Variants in PBX3 observed in about 807,000 individuals in gnomAD.
PBX3 encodes PBX homeobox 3, also known as pre-B-cell leukemia transcription factor 3.
PBX3 carries 14 observed loss-of-function variants against 48.5 expected under a neutral mutation model. That is an observed-to-expected ratio of 0.29 (90% CI 0.19 to 0.45). PBX3 has a LOEUF of 0.45. PBX3 is among the 20% of genes least tolerant of loss of function. The pLI is 1.00. For missense variants in PBX3, 386 were observed against 546.7 expected, an observed-to-expected ratio of 0.71 and a Z score of 2.93; for synonymous variants, 210 against 200.3, an observed-to-expected ratio of 1.05 and a Z score of -0.41.
intron 2 of PBX3, among the ~76,000 whole-genome samples, chr9:125,767,594 G>A (rs1159503034): frequency 1.3e-5 from 2 of 152,146 alleles, no homozygotes; most frequent in East Asian, 1.9e-4. Context: ...TTCTAGAAAA[G>A]TGCACATACT....
chr9:125,813,429 A>G (rs989012679), intron 2 of PBX3, among the ~76,000 whole-genome samples: 45 of 152,376 alleles, frequency 3.0e-4, no homozygotes, highest in Middle Eastern at 3.4e-3. Context: ...ATGGTTGACC[A>G]AAACATCATT....
intron 2 of PBX3, among the ~76,000 whole-genome samples, chr9:125,853,916 G>A (rs563855647): frequency 2.0e-5 from 3 of 152,154 alleles, no homozygotes; most frequent in Non-Finnish European, 4.4e-5. Context: ...CCCAATATGA[G>A]TTAATAAATG....
intron 2 of PBX3, among the ~76,000 whole-genome samples, chr9:125,830,897 A>C (rs904180583): frequency 6.6e-6 from 1 of 152,020 alleles, no homozygotes; most frequent in African/African-American, 2.4e-5. Flanking sequence ...TTTATTATAA[A>C]ATTTCCCCCA....
At chr9:125,952,847 G>A (rs1459539598) in intron 5 of PBX3, among the ~76,000 whole-genome samples, 1 of 152,072 alleles carries the variant, frequency 6.6e-6, no homozygotes, top group Non-Finnish European at 1.5e-5. Context: ...CAATTTGGAT[G>A]ATACCTGAAA....
chr9:125,856,288 G>A (rs1839721657), intron 2 of PBX3, among the ~76,000 whole-genome samples: 2 of 152,192 alleles, frequency 1.3e-5, no homozygotes, highest in Non-Finnish European at 2.9e-5. Context: ...TAGAGCTAGT[G>A]TTCTGAACTG....
At chr9:125,917,464 A>G (rs554829185) in intron 3 of PBX3, among the ~76,000 whole-genome samples, 71 of 152,300 alleles carry the variant, frequency 4.7e-4, no homozygotes, top group African/African-American at 1.7e-3. Context: ...TTATGATGGC[A>G]TGTACCCATC....
intron 2 of PBX3, among the ~76,000 whole-genome samples, chr9:125,756,398 A>G (rs1215788350): frequency 1.3e-5 from 2 of 152,172 alleles, no homozygotes; most frequent in African/African-American, 4.8e-5. Flanking sequence ...AAAGGGAGGA[A>G]GACAGACCTT....
At chr9:125,863,348 T>G (rs977880511) in intron 2 of PBX3, among the ~76,000 whole-genome samples, 1 of 151,890 alleles carries the variant, frequency 6.6e-6, no homozygotes, top group African/African-American at 2.4e-5. Flanking sequence ...GGACTACAGG[T>G]GCTTGCCACC....
At chr9:125,860,007 C>A (rs1175690006) in intron 2 of PBX3, among the ~76,000 whole-genome samples, 1 of 152,194 alleles carries the variant, frequency 6.6e-6, no homozygotes, top group Non-Finnish European at 1.5e-5. Flanking sequence ...TCCTATGGGA[C>A]CCCAGCTGAG....
intron 5 of PBX3, among the ~76,000 whole-genome samples, chr9:125,955,683 C>T (rs1404253120): frequency 6.6e-6 from 1 of 152,146 alleles, no homozygotes; most frequent in Non-Finnish European, 1.5e-5. Flanking sequence ...TCAAGTTTGA[C>T]CTTGCCTCAG....
intron 2 of PBX3, among the ~76,000 whole-genome samples, chr9:125,783,489 C>T (rs1357146481): frequency 2.6e-5 from 4 of 151,776 alleles, no homozygotes; most frequent in African/African-American, 7.3e-5. Context: ...GGTTTCACCA[C>T]GTTGGCCAGG....
At chr9:125,909,267 G>A (rs1841148110) in intron 2 of PBX3, among the ~76,000 whole-genome samples, 1 of 152,082 alleles carries the variant, frequency 6.6e-6, no homozygotes, top group Non-Finnish European at 1.5e-5. Context: ...CCAGCCAACA[G>A]TACTTTCAGA....
intron 2 of PBX3, among the ~76,000 whole-genome samples, chr9:125,794,026 T>C (rs900482053): frequency 1.5e-4 from 23 of 152,218 alleles, no homozygotes; most frequent in African/African-American, 5.1e-4. Flanking sequence ...TTATAATGTT[T>C]ACAATTTTTG....
intron 2 of PBX3, among the ~76,000 whole-genome samples, chr9:125,798,280 C>G (rs1314030239): frequency 6.6e-6 from 1 of 152,106 alleles, no homozygotes; most frequent in Non-Finnish European, 1.5e-5. Context: ...ATTTTACTCT[C>G]ATGGAGTTTC....
At chr9:125,884,175 G>A (rs1253997517) in intron 2 of PBX3, among the ~76,000 whole-genome samples, 1 of 152,148 alleles carries the variant, frequency 6.6e-6, no homozygotes, top group Non-Finnish European at 1.5e-5. Context: ...AGCATTACTA[G>A]GATGCGCAGT....
At chr9:125,790,117 A>G (rs12238495) in intron 2 of PBX3, among the ~76,000 whole-genome samples, 3,066 of 152,332 alleles carry the variant, frequency 0.02, 173 homozygotes, top group East Asian at 0.17. Flanking sequence ...GTATAATAAG[A>G]AAGTGGGAGA....
At chr9:125,950,476 C>A (rs938418040) in intron 5 of PBX3, among the ~76,000 whole-genome samples, 14 of 137,872 alleles carry the variant, frequency 1.0e-4, no homozygotes, top group South Asian at 2.4e-4. Context: ...TATAAATTTG[C>A]AACTTCTTTT....
Position 125,899,531 on chromosome 9 carries a change from A to G in PBX3, c.275-16155A>G, listed in dbSNP as rs10987011. Among the ~76,000 whole-genome samples, 111 of 149,514 alleles carry G rather than the reference A, an allele frequency of 7.4e-4. 2 individuals carry two copies. In the East Asian group the frequency reaches 0.018, roughly 24 times the overall value. ...GAGGTTATTGTCAGAGGGTAGGTAC[A>G]TGAAGAGAGGGGAGTAGAGCACAAA... On this transcript the variant is annotated intron_variant, in intron 2 of 8. Transcript: ENST00000373489.
At chr9:125,959,393 T>G (rs1321676979) in intron 5 of PBX3, among the ~76,000 whole-genome samples, 2 of 152,246 alleles carry the variant, frequency 1.3e-5, no homozygotes, top group African/African-American at 4.8e-5. Flanking sequence ...TGTGTATATG[T>G]GCACATGTGT....
Sources: allele counts gnomAD v4.1 joint callset (sites outside exome capture counted in the v4.1 genomes callset), GRCh38; gene constraint gnomAD v4.1.1; transcripts MANE v1.5; gene names NCBI Gene and HGNC (gene_info 2026-07-23, HGNC 2026-07-21).